The following RYR3 variants were observed in gnomAD, a reference collection of about 807,000 sequenced individuals.
RYR3 encodes the protein ryanodine receptor 3, also known as brain ryanodine receptor-calcium release channel.
RYR3 carries 207 observed loss-of-function variants against 584.3 expected under a neutral mutation model. The ratio of observed to expected loss-of-function variants is 0.35; its 90% confidence interval spans 0.32 to 0.40. RYR3 has a LOEUF of 0.40. Ranked by LOEUF, RYR3 falls within the 10% of genes least tolerant of loss-of-function variation. The pLI, the probability that RYR3 is intolerant of heterozygous loss-of-function variation, is 1.00. For missense variants in RYR3, 5,616 were observed against 6,089.2 expected, an observed-to-expected ratio of 0.92 and a Z score of 2.59; for synonymous variants, 2,416 against 2,248.5, an observed-to-expected ratio of 1.07 and a Z score of -2.11.
intron 28 of RYR3, 193 bp from the exon 29 acceptor site, chr15:33,646,158 A>G: frequency 4.0e-6 from 2 of 496,500 alleles, no homozygotes. Context: ...TTCCCTAGCC[A>G]GGAGCAGATC....
rs576370797 is a variant in RYR3 at position 33,693,478 on chromosome 15, T to C, written c.5861-2740T>C. ...ACACCAAAGGAGACAAAGCTTCTGTTGAATTCCTGAGTGATGAAATTAAGG... is the reference window on the plus strand; with the variant it reads ...ACACCAAAGGAGACAAAGCTTCTGTCGAATTCCTGAGTGATGAAATTAAGG... On this transcript the variant is annotated intron_variant, in intron 38 of 103. Coordinates refer to ENST00000634891, the MANE Select transcript of RYR3 (RefSeq NM_001036.6). 6.6e-5 allele frequency among the ~76,000 whole-genome samples: 10 copies of C among 152,380 alleles called. No homozygotes were observed. The South Asian group carries it at 1.9e-3, about 28-fold the overall frequency.
chr15:33,491,299 A>C (rs1447836298), intron 2 of RYR3, among the ~76,000 whole-genome samples: 2 of 152,228 alleles, frequency 1.3e-5, no homozygotes, highest in African/African-American at 4.8e-5. Context: ...CGGTTGCTAT[A>C]GTAATAGATA....
intron 42 of RYR3, among the ~76,000 whole-genome samples, chr15:33,705,101 T>TTCTCTCTCCCTCTCTC (rs2066598562): frequency 7.0e-6 from 1 of 142,104 alleles, no homozygotes; most frequent in Non-Finnish European, 1.5e-5. Context: ...CACACACTCT[T>TTCTCTCTCCCTCTCTC]TCTCTCTCTC....
At chr15:33,394,237 G>T (rs1407844862) in intron 1 of RYR3, among the ~76,000 whole-genome samples, 1 of 152,204 alleles carries the variant, frequency 6.6e-6, no homozygotes, top group Non-Finnish European at 1.5e-5. Flanking sequence ...TAGTGGCATG[G>T]TGCCAACCCT....
chr15:33,586,969 C>T (rs1199240917), intron 16 of RYR3, among the ~76,000 whole-genome samples: 3 of 152,158 alleles, frequency 2.0e-5, no homozygotes, highest in South Asian at 4.2e-4. Flanking sequence ...TGTGCTTCTA[C>T]AGAGTGGGGA....
chr15:33,718,112 T>G (rs1186715019), intron 43 of RYR3, among the ~76,000 whole-genome samples: 2 of 152,224 alleles, frequency 1.3e-5, no homozygotes, highest in South Asian at 4.1e-4. Flanking sequence ...ATTAATTAAA[T>G]GAGTGTCAGT....
intron 1 of RYR3, among the ~76,000 whole-genome samples, chr15:33,333,698 A>G (rs1303643377): frequency 2.0e-5 from 3 of 152,204 alleles, no homozygotes; most frequent in East Asian, 1.9e-4. Context: ...GGCCGGGACA[A>G]TCAGGCAAGA....
At chr15:33,715,148 C>G (rs995737638) in intron 43 of RYR3, among the ~76,000 whole-genome samples, 2 of 152,134 alleles carry the variant, frequency 1.3e-5, no homozygotes, top group Non-Finnish European at 2.9e-5. Context: ...GTTGAGAGTA[C>G]AAAGTGTCAT....
At position 33,632,900 on chromosome 15, in the gene RYR3, A is replaced by G. The variant is rs774198038; in HGVS notation, c.2868-49A>G. Reference sequence around the variant, plus strand: ...CTCTTGGTCTAAAATCCGGAATGAGAAACTCATGGAGATCTGTTAAAAATG... The same window carrying G: ...CTCTTGGTCTAAAATCCGGAATGAGGAACTCATGGAGATCTGTTAAAAATG... On this transcript the variant is annotated intron_variant, in intron 23 of 103. Transcript: ENST00000634891. The G allele has an allele frequency of 2.6e-6, 4 of 1,531,266 alleles. No homozygotes were observed. The South Asian group carries it at 3.6e-5, about 14-fold the overall frequency. The allele number at this position is 1,531,266 out of a possible 1,614,324, so 94.9% of individuals were successfully genotyped here. A position where few individuals can be genotyped will look rare whatever the true frequency, so the allele number is the denominator to read the frequency against.
At chr15:33,483,049 A>G (rs1482853703) in intron 2 of RYR3, among the ~76,000 whole-genome samples, 3 of 151,922 alleles carry the variant, frequency 2.0e-5, no homozygotes, top group Non-Finnish European at 2.9e-5. Context: ...TTTAATGTAC[A>G]TGTGCTATTA....
chr15:33,654,195 G>A (rs1028826923), intron 32 of RYR3, among the ~76,000 whole-genome samples: 1 of 152,068 alleles, frequency 6.6e-6, no homozygotes, highest in African/African-American at 2.4e-5. Flanking sequence ...GAGAAATCTT[G>A]ATTTATTTAT....
At chr15:33,767,158 C>T (rs150999489) in intron 60 of RYR3, among the ~76,000 whole-genome samples, 17 of 152,274 alleles carry the variant, frequency 1.1e-4, no homozygotes, top group African/African-American at 3.9e-4. Context: ...CTCTGAAACC[C>T]GAGTCCTATG....
At chr15:33,345,013 G>A (rs1435272029) in intron 1 of RYR3, among the ~76,000 whole-genome samples, 1 of 152,162 alleles carries the variant, frequency 6.6e-6, no homozygotes. Flanking sequence ...ACTTCCCCAA[G>A]TTTGCACAGC....
At chr15:33,585,139 C>T (rs898580333) in intron 15 of RYR3, among the ~76,000 whole-genome samples, 10 of 152,044 alleles carry the variant, frequency 6.6e-5, no homozygotes, top group African/African-American at 2.4e-4. Flanking sequence ...ATGCTTTTCT[C>T]GCAGTGTAGA....
intron 60 of RYR3, among the ~76,000 whole-genome samples, chr15:33,768,241 A>G (rs1425350225): frequency 2.0e-5 from 3 of 152,166 alleles, no homozygotes; most frequent in African/African-American, 4.8e-5. Flanking sequence ...CATACCCTCA[A>G]TGGAAGGCTA....
intron 52 of RYR3, among the ~76,000 whole-genome samples, chr15:33,743,181 C>A (rs2070336118): frequency 6.6e-6 from 1 of 152,202 alleles, no homozygotes; most frequent in Non-Finnish European, 1.5e-5. Context: ...AATGTGCCCA[C>A]AGAGAAGGGA....
chr15:33,590,059 C>T (rs1270937003), intron 16 of RYR3, among the ~76,000 whole-genome samples: 1 of 151,892 alleles, frequency 6.6e-6, no homozygotes, highest in Non-Finnish European at 1.5e-5. Flanking sequence ...TGGAAAATTA[C>T]AGTCAAAGGG....
Position 33,854,390 on chromosome 15 carries a change from C to T in RYR3, c.13801C>T (p.Leu4601=), listed in dbSNP as rs868781162. ...KAEAASLVSW[L]SSIDMKYHIW... Reference sequence around the variant, plus strand: ...TTAAAATCACTTGTTCTTCTCTAGGCTAAGTTCCATAGACATGAAGTACCA... The same window carrying T: ...TTAAAATCACTTGTTCTTCTCTAGGTTAAGTTCCATAGACATGAAGTACCA... The change falls in exon 97 of 104, where the codon CTA becomes TTA. Residue 4601 remains leucine (L), a splice_region_variant and synonymous_variant. Coordinates refer to ENST00000634891, the MANE Select transcript of RYR3 (RefSeq NM_001036.6). The T allele has an allele frequency of 1.3e-6, 2 of 1,571,164 alleles. No individual in the cohort carries two copies. The highest frequency in any genetic ancestry group is 2.7e-5 in the African/African-American group (2 of 73,902).
chr15:33,566,841 C>G (rs757572909), intron 12 of RYR3, 42 bp downstream of exon 12: 37 of 1,610,096 alleles, frequency 2.3e-5, no homozygotes, highest in Non-Finnish European at 3.1e-5. Context: ...GAGTTTGACT[C>G]TGTGGCCTGC....
Sources: allele counts gnomAD v4.1 joint callset (sites outside exome capture counted in the v4.1 genomes callset), GRCh38; gene constraint gnomAD v4.1.1; transcripts MANE v1.5; gene names NCBI Gene and HGNC (gene_info 2026-07-23, HGNC 2026-07-21).